ZNF891: variants seen among roughly 807,000 people sequenced by gnomAD.
ZNF891 encodes the protein zinc finger protein 891, also known as hCG1646157.
For synonymous variants in ZNF891, 199 were observed against 209.0 expected (o/e 0.95, Z 0.41); for missense variants, 589 against 632.7 (o/e 0.93, Z 0.74).
intron 1 of ZNF891, among the ~76,000 whole-genome samples, chr12:133,123,689 C>T (rs1393380176): frequency 3.3e-5 from 5 of 150,454 alleles, no homozygotes; most frequent in East Asian, 3.9e-4. Flanking sequence ...GCCTGGGCAA[C>T]GGAGTGAAAT....
chr12:133,125,739 G>A (rs1955808779), intron 1 of ZNF891: 1 of 417,236 alleles, frequency 2.4e-6, no homozygotes, highest in Non-Finnish European at 4.7e-6. Flanking sequence ...CCATGAAGAG[G>A]ATAGAAGGTA....
In ZNF891 at chr12:133,115,381, ACTC is replaced by A. The variant is rs1955709753; in HGVS notation, c.*4900_*4902del. 8.2e-6 allele frequency: 1 copy of A among 121,714 alleles called. No individual in the cohort carries two copies. Among genetic ancestry groups the A allele is most frequent in the Non-Finnish European group, 1.8e-5 (1 of 55,020 alleles). The allele number at this position is 121,714 out of a possible 1,614,324, so 7.5% of individuals were successfully genotyped here. A position where few individuals can be genotyped will look rare whatever the true frequency, so the allele number is the denominator to read the frequency against. ...GCACTCCAGCCTGGGAAAAAGCAAA[ACTC>A]CTTCTCAAAAAAAAAAAAAAAAAAA... On this transcript the variant is annotated 3_prime_UTR_variant, in exon 2 of 2. Coordinates refer to ENST00000537226, the MANE Select transcript of ZNF891 (RefSeq NM_001277291.2).
Position 133,113,074 on chromosome 12 carries a change from A to T in ZNF891, c.*7210T>A, listed in dbSNP as rs1452706509. 1 of 147,756 alleles carries T rather than the reference A, an allele frequency of 6.8e-6. No individual in the cohort carries two copies. The highest frequency in any genetic ancestry group is 1.5e-5 in the Non-Finnish European group (1 of 67,024). The allele number at this position is 147,756 out of a possible 1,614,324, so 9.2% of individuals were successfully genotyped here. A position where few individuals can be genotyped will look rare whatever the true frequency, so the allele number is the denominator to read the frequency against. On this transcript the variant is annotated 3_prime_UTR_variant, in exon 2 of 2. Coordinates refer to ENST00000537226, the MANE Select transcript of ZNF891 (RefSeq NM_001277291.2). ...ACTCTGTCTCAAAAAATATATATATATATATTTATATTTATTTATTAAAAA... is the reference window on the plus strand; with the variant it reads ...ACTCTGTCTCAAAAAATATATATATTTATATTTATATTTATTTATTAAAAA...
chr12:133,105,485 T>G lies in ZNF891; in HGVS notation c.*14799A>C. 3 of 1,540,642 alleles carry G rather than the reference T, an allele frequency of 1.9e-6. No individual in the cohort carries two copies. The highest frequency in any genetic ancestry group is 2.6e-6 in the Non-Finnish European group (3 of 1,146,462). ...TATTCAATACAGGAAAAAGAAACAT[T>G]CACTTTTTTTTTGGTATCTTTCAGT... On this transcript the variant is annotated 3_prime_UTR_variant, in exon 2 of 2. Transcript: ENST00000537226.
rs1460844820 is a variant in ZNF891 at position 133,121,301 on chromosome 12, A to G, written c.618T>C (p.Phe206=). 2 of 1,535,608 alleles carry G rather than the reference A, an allele frequency of 1.3e-6. No individual in the cohort carries two copies. Among genetic ancestry groups the G allele is most frequent in the South Asian group, 1.2e-5 (1 of 84,026 alleles). Residue 206 remains phenylalanine (F), a synonymous_variant, in exon 2 of 2, where the codon TTT becomes TTC. Coordinates refer to ENST00000537226, the MANE Select transcript of ZNF891 (RefSeq NM_001277291.2). The part of the protein sequence containing the change: ...ENSKLGSKLI[F]SQSIFTSKHC... ...GTTTACTGGTGAAAATGCTCTGTGA[A>G]AAAATAAGTTTTGATCCAAGTTTAG...
In ZNF891 at chr12:133,106,438, T is replaced by C. The variant is rs752972513; in HGVS notation, c.*13846A>G. On this transcript the variant is annotated 3_prime_UTR_variant, in exon 2 of 2. Transcript: ENST00000537226. ...ACACTGGAGAGAAACCCTATGCGTG[T>C]GCTGAATGTGATAAAGCCTTCAGCC... The C allele has an allele frequency of 1.5e-5, 25 of 1,614,116 alleles. No homozygotes were observed. Among genetic ancestry groups the C allele is most frequent in the Non-Finnish European group, 2.1e-5 (25 of 1,180,002 alleles).
chr12:133,130,092 C>G (rs1206888520), intron 1 of ZNF891, 135 bp downstream of exon 1: 1 of 152,654 alleles, frequency 6.6e-6, no homozygotes, highest in African/African-American at 2.4e-5. Context: ...CCTCTCCCAC[C>G]GCCGCCTCCC....
In ZNF891 at chr12:133,126,210, G is replaced by A. The variant is rs138653854; in HGVS notation, c.-107+4017C>T. Among the ~76,000 whole-genome samples the A allele has an allele frequency of 1.9e-4, 29 of 152,012 alleles. No homozygotes were observed. The East Asian group carries it at 3.7e-3, about 19-fold the overall frequency. On this transcript the variant is annotated intron_variant, in intron 1 of 1. Coordinates refer to ENST00000537226, the MANE Select transcript of ZNF891 (RefSeq NM_001277291.2). ...AGGGTTAAAAGATAAACTTAGGGCC[G>A]GGCACGGAGGCTCATGCCTGAAATC...
intron 1 of ZNF891, among the ~76,000 whole-genome samples, chr12:133,128,122 A>T (rs529680849): frequency 5.9e-5 from 9 of 152,358 alleles, no homozygotes; most frequent in African/African-American, 2.2e-4. Context: ...TAAAAATTTT[A>T]AAATAATGTC....
chr12:133,105,364 A>G lies in ZNF891; in HGVS notation c.*14920T>C, dbSNP rs920130750. On this transcript the variant is annotated 3_prime_UTR_variant, in exon 2 of 2. Transcript: ENST00000537226. ...TGATCTTTTCTGAAGTTCTGGGCAT[A>G]CTACTCAGATTTCAGTCACAGCTGT... 1.3e-6 allele frequency: 1 copy of G among 749,860 alleles called. No individual in the cohort carries two copies. Among genetic ancestry groups the G allele is most frequent in the African/African-American group, 1.8e-5 (1 of 56,488 alleles). 46.5% of individuals were successfully genotyped at this position (749,860 alleles called of 1,614,324 possible). A position where few individuals can be genotyped will look rare whatever the true frequency, so the allele number is the denominator to read the frequency against.
Position 133,117,698 on chromosome 12 carries a change from T to C in ZNF891, c.*2586A>G, listed in dbSNP as rs1955723123. 1 of 152,198 alleles carries C rather than the reference T, an allele frequency of 6.6e-6. No individual in the cohort carries two copies. Among genetic ancestry groups the C allele is most frequent in the South Asian group, 2.1e-4 (1 of 4,828 alleles). 9.4% of individuals were successfully genotyped at this position (152,198 alleles called of 1,614,324 possible). On this transcript the variant is annotated 3_prime_UTR_variant, in exon 2 of 2. Transcript: ENST00000537226. ...TTCATATTTTAAACATATTATCTCT[T>C]TACTCCAAATCTCTCCAGCTACTAC...
Position 133,106,815 on chromosome 12 carries a change from A to G in ZNF891, c.*13469T>C. Reference sequence around the variant, plus strand: ...CACCCTGGAGAAAAAAAAACCCAGGAATATGTGGAAAAGCCATTAATAACC... The same window carrying G: ...CACCCTGGAGAAAAAAAAACCCAGGGATATGTGGAAAAGCCATTAATAACC... On this transcript the variant is annotated 3_prime_UTR_variant, in exon 2 of 2. Coordinates refer to ENST00000537226, the MANE Select transcript of ZNF891 (RefSeq NM_001277291.2). 3.6e-6 allele frequency: 2 copies of G among 549,030 alleles called. No homozygotes were observed. Among genetic ancestry groups the G allele is most frequent in the Non-Finnish European group, 5.9e-6 (2 of 339,420 alleles). The allele number at this position is 549,030 out of a possible 1,614,324, so 34.0% of individuals were successfully genotyped here. A position where few individuals can be genotyped will look rare whatever the true frequency, so the allele number is the denominator to read the frequency against.
rs944768569 is a variant in ZNF891, at chr12:133,108,000, T to C, written c.*12284A>G. 2.0e-5 allele frequency: 3 copies of C among 152,236 alleles called. No homozygotes were observed. The highest frequency in any genetic ancestry group is 4.4e-5 in the Non-Finnish European group (3 of 68,030). 9.4% of individuals were successfully genotyped at this position (152,236 alleles called of 1,614,324 possible). A position where few individuals can be genotyped will look rare whatever the true frequency, so the allele number is the denominator to read the frequency against. On this transcript the variant is annotated 3_prime_UTR_variant, in exon 2 of 2. Coordinates refer to ENST00000537226, the MANE Select transcript of ZNF891 (RefSeq NM_001277291.2). Reference sequence around the variant, plus strand: ...AGCCCAAAAACACCTTATTTACATGTACTAGAGTTCTAAATACATTATCAG... The same window carrying C: ...AGCCCAAAAACACCTTATTTACATGCACTAGAGTTCTAAATACATTATCAG...
intron 1 of ZNF891, among the ~76,000 whole-genome samples, chr12:133,129,926 T>C (rs11147248): frequency 0.61 from 92,046 of 152,018 alleles, 28,860 homozygotes; most frequent in African/African-American, 0.73. Flanking sequence ...CCCGTGTTGC[T>C]TAGAGAAGGA....
chr12:133,117,275 A>G lies in ZNF891; in HGVS notation c.*3009T>C, dbSNP rs1342888632. The stretch of plus-strand genomic sequence containing the variant: ...GCATCAAGGCTACAAAGAGGTTGGG[A>G]TAAGTAGTTTTGTAGCTAAATACAA... On this transcript the variant is annotated 3_prime_UTR_variant, in exon 2 of 2. Coordinates refer to ENST00000537226, the MANE Select transcript of ZNF891 (RefSeq NM_001277291.2). 2 of 152,252 alleles carry G rather than the reference A, an allele frequency of 1.3e-5. No individual in the cohort carries two copies. The highest frequency in any genetic ancestry group is 2.4e-5 in the African/African-American group (1 of 41,468). 9.4% of individuals were successfully genotyped at this position (152,252 alleles called of 1,614,324 possible). A position where few individuals can be genotyped will look rare whatever the true frequency, so the allele number is the denominator to read the frequency against.
rs1211910184 is a variant in ZNF891, at chr12:133,110,168, AC to A, written c.*10115del. ...TCTGATATAAATATTTACTTTCATA[AC>A]AATATCTGGTGGATTATAAAATACA... On this transcript the variant is annotated 3_prime_UTR_variant, in exon 2 of 2. Transcript: ENST00000537226. The A allele has an allele frequency of 1.3e-5, 2 of 151,870 alleles. No homozygotes were observed. The highest frequency in any genetic ancestry group is 4.9e-5 in the African/African-American group (2 of 41,128). The allele number at this position is 151,870 out of a possible 1,614,324, so 9.4% of individuals were successfully genotyped here.
At position 133,107,340 on chromosome 12, in the gene ZNF891, C is replaced by T. The variant is rs970557887; in HGVS notation, c.*12944G>A. 3 of 152,078 alleles carry T rather than the reference C, an allele frequency of 2.0e-5. No individual in the cohort carries two copies. Among genetic ancestry groups the T allele is most frequent in the African/African-American group, 7.2e-5 (3 of 41,404 alleles). The allele number at this position is 152,078 out of a possible 1,614,324, so 9.4% of individuals were successfully genotyped here. On this transcript the variant is annotated 3_prime_UTR_variant, in exon 2 of 2. Transcript: ENST00000537226. ...CATACTGGATGGAATCTGTAGGAAA[C>T]GGTTCTATTTTGAGGGAAGGGGGAT... is the stretch of plus-strand genomic sequence containing the variant.
chr12:133,105,441 G>T lies in ZNF891; in HGVS notation c.*14843C>A. ...GAAACTTCATTCTGTTGCTAAAGAA[G>T]GGAGAAATGGCCTTATTTTATTCAA... On this transcript the variant is annotated 3_prime_UTR_variant, in exon 2 of 2. Transcript: ENST00000537226. 2 of 1,436,318 alleles carry T rather than the reference G, an allele frequency of 1.4e-6. No individual in the cohort carries two copies. Among genetic ancestry groups the T allele is most frequent in the East Asian group, 2.4e-5 (1 of 41,418 alleles). The allele number at this position is 1,436,318 out of a possible 1,614,324, so 89.0% of individuals were successfully genotyped here. A position where few individuals can be genotyped will look rare whatever the true frequency, so the allele number is the denominator to read the frequency against.
In ZNF891 at chr12:133,108,789, C is replaced by T. The variant is rs1273645945; in HGVS notation, c.*11495G>A. 1.3e-5 allele frequency: 2 copies of T among 152,170 alleles called. No homozygotes were observed. Among genetic ancestry groups the T allele is most frequent in the African/African-American group, 4.8e-5 (2 of 41,434 alleles). 9.4% of individuals were successfully genotyped at this position (152,170 alleles called of 1,614,324 possible). ...AATGCAATACTTAAATTTTAATACT[C>T]TTGTAGGAGAAAAAGCAACTGTATA... is the stretch of plus-strand genomic sequence containing the variant. On this transcript the variant is annotated 3_prime_UTR_variant, in exon 2 of 2. Coordinates refer to ENST00000537226, the MANE Select transcript of ZNF891 (RefSeq NM_001277291.2).
Sources: allele counts gnomAD v4.1 joint callset (sites outside exome capture counted in the v4.1 genomes callset), GRCh38; gene constraint gnomAD v4.1.1; transcripts MANE v1.5; gene names NCBI Gene and HGNC (gene_info 2026-07-23, HGNC 2026-07-21).